The following HTR1F variants were observed in gnomAD, a reference collection of about 807,000 sequenced individuals.
HTR1F encodes 5-hydroxytryptamine receptor 1F, also known as 5-hydroxytryptamine (serotonin) receptor 1F, G protein-coupled.
HTR1F carries 17 observed loss-of-function variants against 24.0 expected under a neutral mutation model. The observed-to-expected ratio is 0.71, with a 90% confidence interval of 0.48 to 1.06. The LOEUF (loss-of-function observed/expected upper bound fraction) is 1.06, where lower values mean the gene tolerates loss of function less well. Among genes scored for constraint, HTR1F ranks in the 50% least tolerant of loss-of-function variants. HTR1F has a pLI of 0.00. For synonymous variants in HTR1F, 186 were observed against 156.8 expected, an observed-to-expected ratio of 1.19 and a Z score of -1.39; for missense variants, 391 against 427.8, an observed-to-expected ratio of 0.91 and a Z score of 0.76.
At chr3:87,988,169 A>G (rs1165836745) in intron 2 of HTR1F, among the ~76,000 whole-genome samples, 1 of 152,122 alleles carries the variant, frequency 6.6e-6, no homozygotes, top group African/African-American at 2.4e-5. Context: ...GGGACACAGC[A>G]ATCTGCTTTA....
At chr3:87,974,840 CA>C (rs1705360803) in intron 2 of HTR1F, among the ~76,000 whole-genome samples, 1 of 152,072 alleles carries the variant, frequency 6.6e-6, no homozygotes, top group Non-Finnish European at 1.5e-5. Flanking sequence ...GCTTAATAAA[CA>C]TTGATTGATT....
chr3:87,830,478 A>G (rs1704551929), intron 2 of HTR1F, among the ~76,000 whole-genome samples: 2 of 152,208 alleles, frequency 1.3e-5, no homozygotes, highest in Non-Finnish European at 2.9e-5. Context: ...ACTATGTATT[A>G]TAATGATATA....
intron 2 of HTR1F, among the ~76,000 whole-genome samples, chr3:87,852,881 T>G (rs1358472464): frequency 6.6e-6 from 1 of 151,676 alleles, no homozygotes; most frequent in African/African-American, 2.4e-5. Flanking sequence ...AAAATCAGAA[T>G]ATTTCATTGT....
chr3:87,953,370 A>AAAGG (rs1704876553), intron 2 of HTR1F, among the ~76,000 whole-genome samples: 1 of 151,586 alleles, frequency 6.6e-6, no homozygotes. Context: ...AAAAGAAAAG[A>AAAGG]AAATAGTGAG....
intron 1 of HTR1F, among the ~76,000 whole-genome samples, chr3:87,806,665 C>T (rs1704079403): frequency 6.6e-6 from 1 of 151,868 alleles, no homozygotes; most frequent in South Asian, 2.1e-4. Context: ...TTAATATAGT[C>T]CAATTTTGTT....
intron 1 of HTR1F, among the ~76,000 whole-genome samples, chr3:87,820,119 A>G (rs141425476): frequency 1.6e-3 from 245 of 152,252 alleles, no homozygotes; most frequent in African/African-American, 5.7e-3. Context: ...GAGCAAAGAT[A>G]AAAGAACAGA....
At chr3:87,856,451 A>ATT (rs137979750) in intron 2 of HTR1F, among the ~76,000 whole-genome samples, 1 of 151,994 alleles carries the variant, frequency 6.6e-6, no homozygotes, top group African/African-American at 2.4e-5. Context: ...TGGTCTATTT[A>ATT]TTTTTTAAAA....
chr3:87,992,873 ATATTTC>A lies in HTR1F; in HGVS notation c.*1026_*1031del, dbSNP rs1705867274. The A allele has an allele frequency of 1.2e-5, 2 of 166,922 alleles. No individual in the cohort carries two copies. Among genetic ancestry groups the A allele is most frequent in the Admixed American group, 1.3e-4 (2 of 15,276 alleles). 10.3% of individuals were successfully genotyped at this position (166,922 alleles called of 1,614,324 possible). A position where few individuals can be genotyped will look rare whatever the true frequency, so the allele number is the denominator to read the frequency against. The stretch of plus-strand genomic sequence containing the variant: ...TTTAGAACTTTCCCTTTACTTTAAA[ATATTTC>A]TACTTTTCCAATTGGTAGAAATGAA... On this transcript the variant is annotated 3_prime_UTR_variant, in exon 3 of 3. Coordinates refer to ENST00000319595, the MANE Select transcript of HTR1F (RefSeq NM_001322209.2).
At chr3:87,977,393 CTTTTTTTTTTTT>C (rs34070984) in intron 2 of HTR1F, among the ~76,000 whole-genome samples, 1 of 73,050 alleles carries the variant, frequency 1.4e-5, no homozygotes, top group Admixed American at 2.2e-4. Context: ...GAAGCTGAGA[CTTTTTTTTTTTT>C]TTTTTTTTTT....
intron 2 of HTR1F, among the ~76,000 whole-genome samples, chr3:87,960,976 C>T (rs1172268041): frequency 2.6e-5 from 4 of 151,520 alleles, no homozygotes; most frequent in African/African-American, 7.3e-5. Context: ...CTCTGAATGT[C>T]GCAAAAAGTG....
chr3:87,850,330 CCAT>C (rs1705055147), intron 2 of HTR1F, among the ~76,000 whole-genome samples: 1 of 151,756 alleles, frequency 6.6e-6, no homozygotes, highest in Non-Finnish European at 1.5e-5. Context: ...AAGCCGGAAA[CCAT>C]CATTCTCAGC....
chr3:87,927,563 CTAAAT>C (rs1704157593), intron 2 of HTR1F, among the ~76,000 whole-genome samples: 1 of 151,926 alleles, frequency 6.6e-6, no homozygotes, highest in African/African-American at 2.4e-5. Flanking sequence ...ATTTAGAAAT[CTAAAT>C]AATCACATTT....
intron 2 of HTR1F, among the ~76,000 whole-genome samples, chr3:87,886,481 T>C (rs1705947150): frequency 6.6e-6 from 1 of 152,168 alleles, no homozygotes; most frequent in Non-Finnish European, 1.5e-5. Flanking sequence ...GTGTTGGAAG[T>C]TCTGGCCAGG....
intron 2 of HTR1F, among the ~76,000 whole-genome samples, chr3:87,903,275 G>T (rs1294190153): frequency 2.0e-5 from 3 of 148,688 alleles, no homozygotes; most frequent in Non-Finnish European, 4.5e-5. Context: ...ATTGACAAAT[G>T]GGATCTAATT....
At chr3:87,836,233 G>T (rs1456639847) in intron 2 of HTR1F, among the ~76,000 whole-genome samples, 2 of 152,158 alleles carry the variant, frequency 1.3e-5, no homozygotes, top group Non-Finnish European at 2.9e-5. Context: ...TTACTTTAGA[G>T]ATCTGAGGTT....
chr3:87,813,820 C>G (rs1704201482), intron 1 of HTR1F, among the ~76,000 whole-genome samples: 1 of 152,170 alleles, frequency 6.6e-6, no homozygotes, highest in Admixed American at 6.5e-5. Context: ...CATATGCTCT[C>G]TCGCCTGTCA....
intron 2 of HTR1F, among the ~76,000 whole-genome samples, chr3:87,828,969 C>A (rs1244429240): frequency 6.6e-6 from 1 of 151,306 alleles, no homozygotes; most frequent in Non-Finnish European, 1.5e-5. Flanking sequence ...AACAGAAAAC[C>A]ACTTGCTGAC....
intron 2 of HTR1F, among the ~76,000 whole-genome samples, chr3:87,940,527 C>T (rs1203358253): frequency 2.0e-5 from 3 of 152,158 alleles, no homozygotes; most frequent in South Asian, 4.1e-4. Context: ...AAGAATATTC[C>T]ATGCTCATGG....
intron 2 of HTR1F, among the ~76,000 whole-genome samples, chr3:87,860,783 A>G (rs1705301176): frequency 6.6e-6 from 1 of 152,186 alleles, no homozygotes; most frequent in South Asian, 2.1e-4. Flanking sequence ...AAATCCTTAG[A>G]CTCATTGTTA....
Sources: gnomAD v4.1 joint callset for allele counts (sites outside exome capture counted in the v4.1 genomes callset) on GRCh38, gnomAD v4.1.1 for gene constraint, MANE v1.5 for transcripts, NCBI Gene and HGNC (gene_info 2026-07-23, HGNC 2026-07-21) for gene names.